ZFHX3: variants seen among roughly 807,000 people sequenced by gnomAD.
ZFHX3 encodes the protein zinc finger homeobox protein 3.
In ZFHX3, 42 loss-of-function variants were observed where a neutral mutation model predicts 279.1. The ratio of observed to expected loss-of-function variants is 0.15; its 90% CI spans 0.12 to 0.19. The LOEUF (loss-of-function observed/expected upper bound fraction) is 0.19, where lower values mean the gene tolerates loss of function less well. Ranked by LOEUF, ZFHX3 falls within the 10% of genes least tolerant of loss-of-function variation. ZFHX3 has a pLI of 1.00. For synonymous variants in ZFHX3, 2,293 were observed against 1,957.8 expected, an observed-to-expected ratio of 1.17 and a Z score of -4.52; for missense variants, 4,981 against 4,754.0, an observed-to-expected ratio of 1.05 and a Z score of -1.40.
At chr16:73,118,296 A>T (rs769600314) in intron 7 of ZFHX3, among the ~76,000 whole-genome samples, 7 of 152,026 alleles carry the variant, frequency 4.6e-5, no homozygotes, top group Non-Finnish European at 1.0e-4. Flanking sequence ...GCAACCTCCA[A>T]CTCCTAGGTT....
chr16:73,104,379 C>T (rs76564456), intron 7 of ZFHX3, among the ~76,000 whole-genome samples: 53,433 of 151,756 alleles, frequency 0.35, 9,728 homozygotes, highest in East Asian at 0.58. Context: ...TACAGGTGCG[C>T]ACCACCACGT....
chr16:73,391,390 T>G (rs141790947), intron 3 of ZFHX3, among the ~76,000 whole-genome samples: 2,248 of 151,630 alleles, frequency 0.015, 71 homozygotes, highest in African/African-American at 0.051. Flanking sequence ...AGGCAGAGGT[T>G]GCAGTGAGCC....
At chr16:73,669,149 G>A (rs1354620371) in intron 2 of ZFHX3, among the ~76,000 whole-genome samples, 1 of 151,846 alleles carries the variant, frequency 6.6e-6, no homozygotes, top group East Asian at 1.9e-4. Context: ...TGCCTCCCGG[G>A]CTCAAGCAAT....
intron 2 of ZFHX3, among the ~76,000 whole-genome samples, chr16:73,596,114 G>T (rs551965571): frequency 6.6e-6 from 1 of 151,736 alleles, no homozygotes; most frequent in Non-Finnish European, 1.5e-5. Flanking sequence ...TCCGCCTCCC[G>T]GGTTCAAGCA....
chr16:73,002,230 A>G (rs956031116), intron 1 of ZFHX3, among the ~76,000 whole-genome samples: 1 of 152,166 alleles, frequency 6.6e-6, no homozygotes, highest in Non-Finnish European at 1.5e-5. Context: ...CTACTCAAAC[A>G]TGCTGAACAA....
At chr16:73,224,943 A>C (rs1033454382) in intron 5 of ZFHX3, among the ~76,000 whole-genome samples, 5 of 151,980 alleles carry the variant, frequency 3.3e-5, no homozygotes, top group Non-Finnish European at 7.4e-5. Flanking sequence ...AACTTCAATC[A>C]CCTGCCTATC....
At chr16:73,277,387 C>A (rs1597257687) in intron 4 of ZFHX3, among the ~76,000 whole-genome samples, 1 of 152,194 alleles carries the variant, frequency 6.6e-6, no homozygotes, top group Admixed American at 6.5e-5. Flanking sequence ...CAGAGCAGGG[C>A]CAGGCTCCCT....
chr16:73,191,218 G>T (rs938645794), intron 5 of ZFHX3, among the ~76,000 whole-genome samples: 4 of 152,128 alleles, frequency 2.6e-5, no homozygotes, highest in African/African-American at 9.7e-5. Context: ...GTTGTCAGCA[G>T]GTAGATCCAC....
intron 1 of ZFHX3, among the ~76,000 whole-genome samples, chr16:73,839,326 CAAAAAAAAAAAAAAAAAAAAAAA>C (rs777484716): frequency 7.0e-4 from 21 of 30,048 alleles, no homozygotes; most frequent in African/African-American, 1.5e-3. Context: ...GACTCCATCT[CAAAAAAAAAAAAAAAAAAAAAAA>C]AAAAAAAAAA....
intron 5 of ZFHX3, among the ~76,000 whole-genome samples, chr16:73,158,470 TTC>T (rs1394884651): frequency 1.1e-4 from 16 of 152,182 alleles, no homozygotes; most frequent in Admixed American, 1.0e-3. Flanking sequence ...CTCTTTTCTC[TTC>T]TTTCTTTTAA....
At chr16:73,848,433 C>T (rs916915406) in intron 1 of ZFHX3, among the ~76,000 whole-genome samples, 1 of 152,158 alleles carries the variant, frequency 6.6e-6, no homozygotes, top group Admixed American at 6.5e-5. Flanking sequence ...CAAAACAGTG[C>T]TTCCCACAGC....
intron 2 of ZFHX3, among the ~76,000 whole-genome samples, chr16:73,465,745 T>C (rs556100591): frequency 6.6e-6 from 1 of 152,316 alleles, no homozygotes; most frequent in South Asian, 2.1e-4. Context: ...CCTTGTCCCT[T>C]GAGTTCTTCT....
chr16:72,812,660 A>T (rs2036492899), intron 5 of ZFHX3, among the ~76,000 whole-genome samples: 1 of 152,200 alleles, frequency 6.6e-6, no homozygotes, highest in Admixed American at 6.5e-5. Context: ...CAGGGCCTGA[A>T]TCCAAGATAT....
In ZFHX3 at chr16:73,167,939, C is replaced by G. The variant is rs76692095; in HGVS notation, c.-1103-24108G>C. The stretch of plus-strand genomic sequence containing the variant: ...AAAACGACTCGATGCTTCCCACTGT[C>G]ATCTTTGCTGAAATAAATTCCTACC... On this transcript the variant is annotated intron_variant, in intron 5 of 17. Coordinates refer to the ZFHX3 transcript ENST00000641206. Among the ~76,000 whole-genome samples, 1,428 of 152,348 alleles carry G rather than the reference C, an allele frequency of 9.4e-3. 15 individuals are homozygous for G. Among genetic ancestry groups the G allele is most frequent in the African/African-American group, 0.033 (1,373 of 41,566 alleles).
chr16:73,771,532 T>C (rs2054017717), intron 1 of ZFHX3, among the ~76,000 whole-genome samples: 1 of 152,152 alleles, frequency 6.6e-6, no homozygotes, highest in African/African-American at 2.4e-5. Context: ...AGAAATACCA[T>C]GCTGAGGTCT....
intron 2 of ZFHX3, among the ~76,000 whole-genome samples, chr16:73,673,276 T>C (rs1486516340): frequency 6.6e-6 from 1 of 152,210 alleles, no homozygotes; most frequent in East Asian, 1.9e-4. Context: ...ATTTTCCTAC[T>C]TTTAAGCTGG....
intron 1 of ZFHX3, among the ~76,000 whole-genome samples, chr16:73,802,857 G>A: frequency 6.6e-6 from 1 of 152,108 alleles, no homozygotes. Context: ...TCACTCTGTT[G>A]CCCAGGCTAG....
intron 2 of ZFHX3, among the ~76,000 whole-genome samples, chr16:73,552,433 G>T (rs2143772262): frequency 6.6e-6 from 1 of 152,236 alleles, no homozygotes; most frequent in Non-Finnish European, 1.5e-5. Flanking sequence ...ATTCAAAAAT[G>T]ATCATTCTAT....
chr16:72,871,508 A>G (rs1244826165), intron 4 of ZFHX3, among the ~76,000 whole-genome samples: 1 of 151,632 alleles, frequency 6.6e-6, no homozygotes, highest in Non-Finnish European at 1.5e-5. Context: ...CGCCCAGCTA[A>G]TTTTCATATT....
Sources: gnomAD v4.1 joint callset for allele counts (sites outside exome capture counted in the v4.1 genomes callset) on GRCh38, gnomAD v4.1.1 for gene constraint, MANE v1.5 for transcripts, NCBI Gene and HGNC (gene_info 2026-07-23, HGNC 2026-07-21) for gene names.